Variants in NFE2L2 observed in about 807,000 individuals in gnomAD.
NFE2L2 encodes the protein NFE2 like bZIP transcription factor 2.
Under a neutral mutation model 49.6 loss-of-function variants are expected in NFE2L2, and 20 were observed. The observed-to-expected ratio is 0.40, with a 90% CI of 0.28 to 0.59. NFE2L2 has a LOEUF of 0.59. Ranked by LOEUF, NFE2L2 falls within the 20% of genes least tolerant of loss-of-function variation. The probability of loss-of-function intolerance (pLI) is 0.40; values close to 1 mark genes in which losing one functional copy is unlikely to be tolerated. For synonymous variants in NFE2L2, 244 were observed against 256.5 expected (o/e 0.95, Z 0.47); for missense variants, 578 against 714.2 (o/e 0.81, Z 2.17).
chr2:177,239,710 T>G (rs1406771601), intron 1 of NFE2L2, among the ~76,000 whole-genome samples: 1 of 152,076 alleles, frequency 6.6e-6, no homozygotes, highest in African/African-American at 2.4e-5. Context: ...TTTCTTGCTA[T>G]GAGAGGTCTC....
chr2:177,232,690 C>T (rs1455930396), intron 3 of NFE2L2, 107 bp from the exon 4 acceptor site: 1 of 1,065,102 alleles, frequency 9.4e-7, no homozygotes, highest in African/African-American at 1.6e-5. Context: ...TTCTGTGTCT[C>T]TCTACTTACT....
chr2:177,236,909 C>T (rs1574263130), intron 1 of NFE2L2, among the ~76,000 whole-genome samples: 1 of 152,108 alleles, frequency 6.6e-6, no homozygotes, highest in Middle Eastern at 3.4e-3. Flanking sequence ...ACTCTGTCAC[C>T]CAGGCTGGAG....
intron 1 of NFE2L2, among the ~76,000 whole-genome samples, chr2:177,256,190 T>C (rs1222249865): frequency 1.3e-5 from 2 of 152,052 alleles, no homozygotes; most frequent in African/African-American, 2.4e-5. Flanking sequence ...AGGTATATAA[T>C]TCCATCATGC....
chr2:177,253,447 T>C (rs1014379203), intron 1 of NFE2L2, among the ~76,000 whole-genome samples: 1 of 152,152 alleles, frequency 6.6e-6, no homozygotes, highest in Non-Finnish European at 1.5e-5. Context: ...GAGGAGCAAT[T>C]TGAAAAACAA....
At position 177,245,474 on chromosome 2, in the gene NFE2L2, GT is replaced by G. The variant is rs1287420474; in HGVS notation, c.46-11204del. 7.9e-5 allele frequency among the ~76,000 whole-genome samples: 12 copies of G among 152,264 alleles called. 1 individual carries two copies. The South Asian group carries it at 2.5e-3, about 32-fold the overall frequency. ...TTTTAAATTAGCATCTCTTGCTCTT[GT>G]CTGCTGGCCTCACAGGTACCTAACA... is the stretch of plus-strand genomic sequence containing the variant. On this transcript the variant is annotated intron_variant, in intron 1 of 4. Transcript: ENST00000397062.
chr2:177,234,373 G>T, intron 1 of NFE2L2, 102 bp from the exon 2 acceptor site: 1 of 1,308,976 alleles, frequency 7.6e-7, no homozygotes, highest in Non-Finnish European at 1.0e-6. Flanking sequence ...GGTGGGAAGT[G>T]GGGAGATTAC....
At chr2:177,247,684 C>CAAAAAAAA (rs57701650) in intron 1 of NFE2L2, among the ~76,000 whole-genome samples, 3 of 56,284 alleles carry the variant, frequency 5.3e-5, no homozygotes, top group Non-Finnish European at 7.7e-5. Context: ...CCCCACCCCG[C>CAAAAAAAA]AAAAAAAAAA....
intron 1 of NFE2L2, chr2:177,263,923 G>A (rs541815066): frequency 5.0e-5 from 49 of 985,516 alleles, no homozygotes; most frequent in South Asian, 4.7e-4. Context: ...AGAGTGATCC[G>A]AGAGATGGAT....
intron 1 of NFE2L2, among the ~76,000 whole-genome samples, chr2:177,261,979 G>A (rs1353476092): frequency 6.6e-6 from 1 of 152,044 alleles, no homozygotes; most frequent in Non-Finnish European, 1.5e-5. Context: ...TGATGCATTT[G>A]GCTTTCAACT....
At chr2:177,264,177 G>A (rs1233335065) in intron 1 of NFE2L2, among the ~76,000 whole-genome samples, 1 of 152,024 alleles carries the variant, frequency 6.6e-6, no homozygotes, top group South Asian at 2.1e-4. Context: ...CTCTTGCCCC[G>A]CCGCCCACCG....
rs920064658 is a variant in NFE2L2 at position 177,245,397 on chromosome 2, T to C, written c.46-11126A>G. Reference sequence around the variant, plus strand: ...GGGTCTACTTTTCTAATTTTACAACTCTTGCCAAGTTATTTGGCAGAGGGA... The same window carrying C: ...GGGTCTACTTTTCTAATTTTACAACCCTTGCCAAGTTATTTGGCAGAGGGA... On this transcript the variant is annotated intron_variant, in intron 1 of 4. Transcript: ENST00000397062. Among the ~76,000 whole-genome samples, 5 of 152,266 alleles carry C rather than the reference T, an allele frequency of 3.3e-5. No homozygotes were observed. The East Asian group carries it at 5.8e-4, about 18-fold the overall frequency.
chr2:177,239,614 C>T (rs1364647199), intron 1 of NFE2L2, among the ~76,000 whole-genome samples: 1 of 152,102 alleles, frequency 6.6e-6, no homozygotes, highest in Admixed American at 6.5e-5. Flanking sequence ...GAGGTCGAGG[C>T]TGCAGTGAGC....
In NFE2L2 at chr2:177,264,561, G is replaced by A. The variant is rs762231388; in HGVS notation, c.16C>T (p.Leu6=). 19 of 1,518,118 alleles carry A rather than the reference G, an allele frequency of 1.3e-5. No individual in the cohort carries two copies. The South Asian group carries it at 2.3e-4, about 19-fold the overall frequency. 94.0% of individuals were successfully genotyped at this position (1,518,118 alleles called of 1,614,324 possible). A position where few individuals can be genotyped will look rare whatever the true frequency, so the allele number is the denominator to read the frequency against. MMDLE[L]PPPGLPSQQD... is the part of the protein sequence containing the mutation. ...TGGGACGGGAGTCCCGGCGGCGGCAGCTCCAAGTCCATCATGATGAGCTGT... is the reference window on the plus strand; with the variant it reads ...TGGGACGGGAGTCCCGGCGGCGGCAACTCCAAGTCCATCATGATGAGCTGT... The change falls in exon 1 of 5, where the codon CTG becomes TTG. Residue 6 remains leucine, a synonymous_variant. Coordinates refer to ENST00000397062, the MANE Select transcript of NFE2L2 (RefSeq NM_006164.5).
chr2:177,248,396 G>C (rs1690209784), intron 1 of NFE2L2, among the ~76,000 whole-genome samples: 1 of 152,134 alleles, frequency 6.6e-6, no homozygotes, highest in Admixed American at 6.5e-5. Flanking sequence ...ATTGCCCAAT[G>C]TCTGACCTGT....
intron 1 of NFE2L2, among the ~76,000 whole-genome samples, chr2:177,235,270 AAAAC>A (rs1558981666): frequency 1.3e-5 from 2 of 151,334 alleles, no homozygotes; most frequent in African/African-American, 2.4e-5. Context: ...TACCAAAACA[AAAAC>A]AAACAACAAC....
intron 1 of NFE2L2, 153 bp downstream of exon 1, chr2:177,264,379 G>C (rs1196191643): frequency 3.1e-5 from 22 of 705,244 alleles, no homozygotes; most frequent in Non-Finnish European, 4.7e-5. Context: ...CCCTGCCCCG[G>C]CGCAAGCGCG....
At chr2:177,234,907 G>A (rs557004539) in intron 1 of NFE2L2, among the ~76,000 whole-genome samples, 1 of 152,154 alleles carries the variant, frequency 6.6e-6, no homozygotes, top group Non-Finnish European at 1.5e-5. Flanking sequence ...CCTGAGGTCT[G>A]GAGTTCGAGA....
chr2:177,248,560 C>T (rs1377937202), intron 1 of NFE2L2, among the ~76,000 whole-genome samples: 1 of 152,160 alleles, frequency 6.6e-6, no homozygotes, highest in East Asian at 1.9e-4. Context: ...CAGGCATGCG[C>T]CACCATGCCT....
chr2:177,256,218 G>T (rs981011940), intron 1 of NFE2L2, among the ~76,000 whole-genome samples: 2 of 151,956 alleles, frequency 1.3e-5, no homozygotes, highest in African/African-American at 4.8e-5. Context: ...CTCTGTGCCT[G>T]TTACCTTCAC....
Sources: gnomAD v4.1 joint callset for allele counts (sites outside exome capture counted in the v4.1 genomes callset) on GRCh38, gnomAD v4.1.1 for gene constraint, MANE v1.5 for transcripts, NCBI Gene and HGNC (gene_info 2026-07-23, HGNC 2026-07-21) for gene names.